NFATC1: variants seen among roughly 807,000 people sequenced by gnomAD.
NFATC1 encodes nuclear factor of activated T-cells, cytoplasmic 1.
Under a neutral mutation model 76.0 loss-of-function variants are expected in NFATC1, and 22 were observed. The observed-to-expected ratio is 0.29, with a 90% CI of 0.21 to 0.41. The LOEUF (loss-of-function observed/expected upper bound fraction) is 0.41. NFATC1 is among the 10% of genes least tolerant of loss of function. NFATC1 has a pLI of 1.00. For missense variants in NFATC1, 1,357 were observed against 1,337.7 expected, an observed-to-expected ratio of 1.01 and a Z score of -0.23; for synonymous variants, 704 against 613.1, an observed-to-expected ratio of 1.15 and a Z score of -2.19.
At chr18:79,509,692 C>T (rs547841719) in intron 9 of NFATC1, among the ~76,000 whole-genome samples, 18 of 152,328 alleles carry the variant, frequency 1.2e-4, no homozygotes, top group African/African-American at 2.2e-4. Flanking sequence ...TGGAAGGTGC[C>T]GGCACAGTCT....
chr18:79,481,976 T>C (rs2089290770), intron 8 of NFATC1, among the ~76,000 whole-genome samples: 1 of 141,454 alleles, frequency 7.1e-6, no homozygotes, highest in African/African-American at 2.7e-5. Context: ...TGGGGTGTCA[T>C]TCCAGCGTGA....
intron 6 of NFATC1, among the ~76,000 whole-genome samples, chr18:79,453,232 C>T (rs2087549067): frequency 6.6e-6 from 1 of 152,190 alleles, no homozygotes; most frequent in Non-Finnish European, 1.5e-5. Context: ...TGGCCAGAAC[C>T]GTGGCTCCCA....
At chr18:79,499,628 G>T (rs1208553457) in intron 9 of NFATC1, among the ~76,000 whole-genome samples, 3 of 152,160 alleles carry the variant, frequency 2.0e-5, no homozygotes, top group African/African-American at 7.2e-5. Flanking sequence ...ACCATATGCT[G>T]TCTAAAAAAT....
intron 9 of NFATC1, chr18:79,516,151 C>T (rs1381856008): frequency 6.6e-6 from 1 of 152,088 alleles, no homozygotes; most frequent in Non-Finnish European, 1.5e-5. Context: ...GAAAATTATT[C>T]TGTCTTAATG....
chr18:79,460,485 T>C (rs551677219), intron 6 of NFATC1, among the ~76,000 whole-genome samples: 13 of 152,208 alleles, frequency 8.5e-5, no homozygotes, highest in Non-Finnish European at 1.9e-4. Context: ...GCCTTGTCCG[T>C]GTGCGCCTGG....
chr18:79,506,426 G>T (rs2090122796), intron 9 of NFATC1, among the ~76,000 whole-genome samples: 1 of 152,194 alleles, frequency 6.6e-6, no homozygotes, highest in African/African-American at 2.4e-5. Flanking sequence ...CCCGGCACCT[G>T]CTCTGATATG....
intron 3 of NFATC1, among the ~76,000 whole-genome samples, chr18:79,434,687 C>T (rs1051528514): frequency 3.0e-4 from 45 of 152,220 alleles, no homozygotes; most frequent in African/African-American, 9.4e-4. Context: ...TGATGCAAGC[C>T]GGAAGGGGTG....
At chr18:79,491,884 C>T (rs1287969160) in intron 9 of NFATC1, among the ~76,000 whole-genome samples, 2 of 152,136 alleles carry the variant, frequency 1.3e-5, no homozygotes, top group Non-Finnish European at 2.9e-5. Flanking sequence ...TCCGCCTGAC[C>T]AGAATCAGAG....
chr18:79,486,769 A>C lies in NFATC1; in HGVS notation c.2614A>C (p.Thr872Pro). Residue 872 changes from threonine to proline, a missense_variant, in exon 9 of 10, where the codon ACG (threonine) becomes CCG (proline). Thr to Pro is a conservative substitution (Grantham distance 38). This residue lies in a region of NFATC1 where 424 missense variants were observed against 395.4 expected (regional missense o/e 1.07). Coordinates refer to ENST00000427363, the MANE Select transcript of NFATC1 (RefSeq NM_001278669.2). ...CTGCAGCCCAGCGTGCCCGCCCGCC[A>C]CGGGCCGCCCGCAGCACCTGCCGTC... is the stretch of plus-strand genomic sequence containing the variant. The part of the protein sequence containing the change: ...QPCSPACPPA[T>P]GRPQHLPSTV... The C allele has an allele frequency of 6.2e-7, 1 of 1,606,966 alleles. No homozygotes were observed.
rs142739604 is a variant in NFATC1 at position 79,516,460 on chromosome 18, C to T, written c.2783-11068C>T. ...GAATCGTAAAGAAGGGTTCTAGAGACGCTGCGACCCTGCGTTTTCAGAATG... is the reference window on the plus strand; with the variant it reads ...GAATCGTAAAGAAGGGTTCTAGAGATGCTGCGACCCTGCGTTTTCAGAATG... On this transcript the variant is annotated intron_variant, in intron 9 of 9. Coordinates refer to ENST00000427363, the MANE Select transcript of NFATC1 (RefSeq NM_001278669.2). Among the ~76,000 whole-genome samples, 32 of 152,316 alleles carry T rather than the reference C, an allele frequency of 2.1e-4. 1 individual carries two copies. The highest frequency in any genetic ancestry group is 6.8e-3 in the Middle Eastern group (2 of 294).
At chr18:79,483,837 C>G (rs1322905432) in intron 8 of NFATC1, among the ~76,000 whole-genome samples, 1 of 139,702 alleles carries the variant, frequency 7.2e-6, no homozygotes, top group Non-Finnish European at 1.5e-5. Context: ...GGGTGTCATT[C>G]CAGCGTGACG....
At chr18:79,470,215 G>GGAGGCA (rs2088721688) in intron 8 of NFATC1, 2 of 160,874 alleles carry the variant, frequency 1.2e-5, no homozygotes, top group Non-Finnish European at 2.6e-5. Context: ...CCCTGGAGGT[G>GGAGGCA]GAGGCAGGAC....
chr18:79,490,777 C>T (rs1202300799), intron 9 of NFATC1, among the ~76,000 whole-genome samples: 7 of 152,096 alleles, frequency 4.6e-5, no homozygotes, highest in African/African-American at 1.4e-4. Context: ...GGAAGGGTCC[C>T]GGGTCAGGGT....
chr18:79,451,773 C>T lies in NFATC1; in HGVS notation c.1860C>T (p.Asn620=). The T allele has an allele frequency of 6.2e-7, 1 of 1,613,160 alleles. No homozygotes were observed. The highest frequency in any genetic ancestry group is 8.5e-7 in the Non-Finnish European group (1 of 1,179,658). The change falls in exon 6 of 10, where the codon AAC becomes AAT. Residue 620 remains asparagine (N), a synonymous_variant. Transcript: ENST00000427363. The stretch of plus-strand genomic sequence containing the variant: ...AGAAGATGGTCCTGTCTGGCCACAA[C>T]TTCCTGCAGGACTCCAAGGTCATTT... The part of the protein sequence containing the change: ...GGKKMVLSGH[N]FLQDSKVIFV...
At chr18:79,423,361 C>G (rs2086167428) in intron 2 of NFATC1, among the ~76,000 whole-genome samples, 1 of 152,244 alleles carries the variant, frequency 6.6e-6, no homozygotes, top group Non-Finnish European at 1.5e-5. Flanking sequence ...AGCTGTGGCA[C>G]TCCCTGTCTG....
intron 8 of NFATC1, among the ~76,000 whole-genome samples, chr18:79,473,987 G>A (rs1227318909): frequency 3.5e-5 from 4 of 115,460 alleles, no homozygotes; most frequent in Non-Finnish European, 5.1e-5. Context: ...TCGACGTTGC[G>A]AGGGAAGCGT....
intron 3 of NFATC1, among the ~76,000 whole-genome samples, chr18:79,447,123 C>A (rs1027634059): frequency 6.6e-6 from 1 of 152,232 alleles, no homozygotes; most frequent in Non-Finnish European, 1.5e-5. Flanking sequence ...TGAGTTCAGC[C>A]ACCGGTGAGA....
intron 6 of NFATC1, among the ~76,000 whole-genome samples, chr18:79,453,155 G>A (rs8090560): frequency 0.28 from 42,311 of 152,192 alleles, 6,911 homozygotes; most frequent in African/African-American, 0.44. Flanking sequence ...CAGAGCTTTC[G>A]GTGTGTGTCC....
chr18:79,481,733 C>T (rs1348653752), intron 8 of NFATC1, among the ~76,000 whole-genome samples: 1 of 152,176 alleles, frequency 6.6e-6, no homozygotes, highest in Non-Finnish European at 1.5e-5. Context: ...GTGGGCCTCA[C>T]TGTTGTGACG....
Sources: gnomAD v4.1 joint callset for allele counts (sites outside exome capture counted in the v4.1 genomes callset) on GRCh38, gnomAD v4.1.1 for gene constraint, gnomAD v4.1.1 regional missense constraint, MANE v1.5 for transcripts, NCBI Gene and HGNC (gene_info 2026-07-23, HGNC 2026-07-21) for gene names.